The following EHF variants were observed in gnomAD, a reference collection of about 807,000 sequenced individuals.
EHF encodes ESE3 transcription factor.
A neutral mutation model predicts 45.1 loss-of-function variants in EHF; 14 were observed. That is an observed-to-expected ratio of 0.31 (90% CI 0.21 to 0.49). The LOEUF (loss-of-function observed/expected upper bound fraction) is 0.49, where lower values mean the gene tolerates loss of function less well. EHF is among the 20% of genes least tolerant of loss of function. The pLI, the probability that EHF is intolerant of heterozygous loss-of-function variation, is 0.99. For synonymous variants in EHF, 136 were observed against 131.8 expected, an observed-to-expected ratio of 1.03 and a Z score of -0.22; for missense variants, 282 against 371.4, an observed-to-expected ratio of 0.76 and a Z score of 1.98.
At chr11:34,631,733 G>A (rs1404041071) in intron 1 of EHF, 2 of 210,582 alleles carry the variant, frequency 9.5e-6, no homozygotes, top group Non-Finnish European at 1.6e-5. Context: ...GATGTCTGGG[G>A]GAGAGGCTTG....
rs1343322738 is a variant in EHF at position 34,661,149 on chromosome 11, G to A, written c.*2218G>A. On this transcript the variant is annotated 3_prime_UTR_variant, in exon 9 of 9. Transcript: ENST00000257831. ...CTTTACAAGAAGGCCAAAGAACTATGGGGCCTTCCCAGCATTTGACTGTTC... is the reference window on the plus strand; with the variant it reads ...CTTTACAAGAAGGCCAAAGAACTATAGGGCCTTCCCAGCATTTGACTGTTC... 1 of 152,168 alleles carries A rather than the reference G, an allele frequency of 6.6e-6. No individual in the cohort carries two copies. Among genetic ancestry groups the A allele is most frequent in the African/African-American group, 2.4e-5 (1 of 41,468 alleles). The allele number at this position is 152,168 out of a possible 1,614,324, so 9.4% of individuals were successfully genotyped here. A position where few individuals can be genotyped will look rare whatever the true frequency, so the allele number is the denominator to read the frequency against.
At chr11:34,628,688 CA>C (rs1373686449) in intron 1 of EHF, among the ~76,000 whole-genome samples, 4 of 152,118 alleles carry the variant, frequency 2.6e-5, no homozygotes, top group African/African-American at 7.2e-5. Context: ...CAGTCCTGTT[CA>C]ATGTCATGTT....
At chr11:34,632,185 C>T (rs1485700770) in intron 1 of EHF, among the ~76,000 whole-genome samples, 1 of 152,196 alleles carries the variant, frequency 6.6e-6, no homozygotes, top group Non-Finnish European at 1.5e-5. Flanking sequence ...GGGCAGATGC[C>T]TTTCTTTGCT....
At chr11:34,633,697 C>G (rs10768086) in intron 1 of EHF, among the ~76,000 whole-genome samples, 81,168 of 151,854 alleles carry the variant, frequency 0.53, 22,542 homozygotes, top group East Asian at 0.65. Context: ...TCTTTTGAGG[C>G]CTCAAAAGCC....
rs537084239 is a variant in EHF at position 34,640,429 on chromosome 11, G to A, written c.-3-2199G>A. Among the ~76,000 whole-genome samples, 6 of 152,332 alleles carry A rather than the reference G, an allele frequency of 3.9e-5. No homozygotes were observed. In the South Asian group the frequency reaches 1.0e-3, roughly 26 times the overall value. ...CAATCCCTCCATGCAAATGGGCTGG[G>A]CTCTGAGCTTCAGCCCTTTCAGGGT... On this transcript the variant is annotated intron_variant, in intron 1 of 8. Coordinates refer to ENST00000257831, the MANE Select transcript of EHF (RefSeq NM_012153.6).
At chr11:34,641,644 G>GT (rs1168396218) in intron 1 of EHF, among the ~76,000 whole-genome samples, 1 of 152,142 alleles carries the variant, frequency 6.6e-6, no homozygotes, top group African/African-American at 2.4e-5. Context: ...CAGCCTCTGG[G>GT]TATTGCCCAA....
intron 3 of EHF, 30 bp downstream of exon 3, chr11:34,646,714 C>A (rs765072518): frequency 1.6e-5 from 26 of 1,602,308 alleles, no homozygotes; most frequent in Non-Finnish European, 2.2e-5. Flanking sequence ...TCTCTCCCTA[C>A]CCTGCTAGGA....
rs976903040 is a variant in EHF, at chr11:34,663,126, T to C, written c.*4195T>C. Among the ~76,000 whole-genome samples, 1 of 152,186 alleles carries C rather than the reference T, an allele frequency of 6.6e-6. No individual in the cohort carries two copies. Among genetic ancestry groups the C allele is most frequent in the Non-Finnish European group, 1.5e-5 (1 of 68,026 alleles). The stretch of plus-strand genomic sequence containing the variant: ...CAATTTGTGGAAACAACTCTATTGC[T>C]ACTATTTAAAAAAAATCAGAAATCT... On this transcript the variant is annotated 3_prime_UTR_variant, in exon 9 of 9. Coordinates refer to ENST00000257831, the MANE Select transcript of EHF (RefSeq NM_012153.6).
chr11:34,649,138 A>G, intron 4 of EHF, 57 bp downstream of exon 4: 1 of 1,580,844 alleles, frequency 6.3e-7, no homozygotes, highest in Non-Finnish European at 8.7e-7. Context: ...CGGGGAGGAC[A>G]GTTGGGAGAG....
intron 1 of EHF, among the ~76,000 whole-genome samples, chr11:34,639,422 T>G (rs1428628559): frequency 6.6e-6 from 1 of 152,222 alleles, no homozygotes; most frequent in African/African-American, 2.4e-5. Flanking sequence ...TAATAAGGTT[T>G]TTTTACAATT....
At position 34,658,983 on chromosome 11, in the gene EHF, C is replaced by T. The variant is rs769548428; in HGVS notation, c.*52C>T. 1.0e-5 allele frequency: 14 copies of T among 1,376,110 alleles called. No homozygotes were observed. In the South Asian group the frequency reaches 1.8e-4, roughly 18 times the overall value. The allele number at this position is 1,376,110 out of a possible 1,614,324, so 85.2% of individuals were successfully genotyped here. On this transcript the variant is annotated 3_prime_UTR_variant, in exon 9 of 9. Transcript: ENST00000257831. ...AAAACACACACCAAATAATCAGAAA[C>T]AAAGAACTCCTGGACGTAAATATTT...
intron 1 of EHF, among the ~76,000 whole-genome samples, chr11:34,628,923 TAA>T (rs1045765829): frequency 4.6e-5 from 7 of 152,344 alleles, no homozygotes; most frequent in African/African-American, 1.4e-4. Context: ...GTTGCCATCT[TAA>T]AATTCTTCGT....
chr11:34,642,303 A>C (rs1044426306), intron 1 of EHF: 92 of 158,542 alleles, frequency 5.8e-4, no homozygotes, highest in Non-Finnish European at 9.1e-4. Context: ...AAAAAAAAGA[A>C]AAAAAAAAAC....
intron 1 of EHF, among the ~76,000 whole-genome samples, chr11:34,629,257 A>C (rs543395103): frequency 3.3e-5 from 5 of 152,344 alleles, no homozygotes; most frequent in Non-Finnish European, 7.3e-5. Flanking sequence ...TAATCCCTTG[A>C]AAAACCTTTC....
In EHF at chr11:34,635,701, C is replaced by CTTT. The variant is rs11381442; in HGVS notation, c.-3-6911_-3-6909dup. ...TTTTAGACATGCTGCTCTTCCTGGT[C>CTTT]TTTTTTTTTTTTTTTTTTGCACCTC... is the stretch of plus-strand genomic sequence containing the variant. On this transcript the variant is annotated intron_variant, in intron 1 of 8. Coordinates refer to ENST00000257831, the MANE Select transcript of EHF (RefSeq NM_012153.6). Among the ~76,000 whole-genome samples, 42 of 124,130 alleles carry CTTT rather than the reference C, an allele frequency of 3.4e-4. 1 individual carries two copies. The highest frequency in any genetic ancestry group is 8.0e-4 in the African/African-American group (26 of 32,470). The allele number at this position is 124,130 out of a possible 152,430, so 81.4% of individuals were successfully genotyped here. A position where few individuals can be genotyped will look rare whatever the true frequency, so the allele number is the denominator to read the frequency against.
intron 1 of EHF, among the ~76,000 whole-genome samples, chr11:34,623,516 C>T (rs1383991833): frequency 2.0e-5 from 3 of 152,176 alleles, no homozygotes; most frequent in South Asian, 4.1e-4. Flanking sequence ...CTAAATGCTC[C>T]CATTAATTGA....
In EHF at chr11:34,662,916, A is replaced by G. The variant is rs987058486; in HGVS notation, c.*3985A>G. On this transcript the variant is annotated 3_prime_UTR_variant, in exon 9 of 9. Coordinates refer to ENST00000257831, the MANE Select transcript of EHF (RefSeq NM_012153.6). Reference sequence around the variant, plus strand: ...ATCAGAGCTGAATTATCCTCAGTGTAGCTTCTTGGAATTCAGTTTCTGGAA... The same window carrying G: ...ATCAGAGCTGAATTATCCTCAGTGTGGCTTCTTGGAATTCAGTTTCTGGAA... 6.6e-6 allele frequency among the ~76,000 whole-genome samples: 1 copy of G among 152,112 alleles called. No individual in the cohort carries two copies. The highest frequency in any genetic ancestry group is 1.5e-5 in the Non-Finnish European group (1 of 68,008).
chr11:34,639,892 T>A lies in EHF; in HGVS notation c.-3-2736T>A, dbSNP rs138210825. 6.9e-3 allele frequency among the ~76,000 whole-genome samples: 1,043 copies of A among 152,018 alleles called. 12 individuals carry two copies. Among genetic ancestry groups the A allele is most frequent in the African/African-American group, 0.024 (995 of 41,464 alleles). ...GTAGTCTTAAAGGCATCTCTGGGGG[T>A]TGGGAGAAGTTCTGGATGTTTCCAG... On this transcript the variant is annotated intron_variant, in intron 1 of 8. Coordinates refer to ENST00000257831, the MANE Select transcript of EHF (RefSeq NM_012153.6).
chr11:34,644,810 G>A (rs1440447006), intron 2 of EHF, among the ~76,000 whole-genome samples: 4 of 152,238 alleles, frequency 2.6e-5, no homozygotes, highest in African/African-American at 9.6e-5. Context: ...TCACATGGAA[G>A]CTTGCTAGGA....
Sources: gnomAD v4.1 joint callset for allele counts (sites outside exome capture counted in the v4.1 genomes callset) on GRCh38, gnomAD v4.1.1 for gene constraint, MANE v1.5 for transcripts, NCBI Gene and HGNC (gene_info 2026-07-23, HGNC 2026-07-21) for gene names.